Variants in FAT3 observed in about 807,000 individuals in gnomAD.
FAT3 encodes protocadherin Fat 3.
A neutral mutation model predicts 310.2 loss-of-function variants in FAT3; 95 were observed. That is an observed-to-expected ratio of 0.31 (90% CI 0.26 to 0.36). The LOEUF (loss-of-function observed/expected upper bound fraction) is 0.36. Among genes scored for constraint, FAT3 ranks in the 10% least tolerant of loss-of-function variants. The probability of loss-of-function intolerance (pLI) is 1.00; values close to 1 mark genes in which losing one functional copy is unlikely to be tolerated. For synonymous variants in FAT3, 2,314 were observed against 2,192.9 expected (o/e 1.06, Z -1.54); for missense variants, 5,408 against 5,715.6 (o/e 0.95, Z 1.74).
intron 4 of FAT3, among the ~76,000 whole-genome samples, chr11:92,749,770 G>A (rs1945779686): frequency 6.6e-6 from 1 of 152,126 alleles, no homozygotes; most frequent in South Asian, 2.1e-4. Context: ...AAATAGATAA[G>A]CATCTTTACT....
At chr11:92,293,549 T>TAA (rs1946765833) in intron 1 of FAT3, among the ~76,000 whole-genome samples, 3 of 16,658 alleles carry the variant, frequency 1.8e-4, no homozygotes, top group Non-Finnish European at 2.7e-4. Context: ...TATATATATA[T>TAA]ATAAATAAAA....
chr11:92,248,951 G>A (rs1865036341), intron 1 of FAT3, among the ~76,000 whole-genome samples: 2 of 152,060 alleles, frequency 1.3e-5, no homozygotes, highest in Non-Finnish European at 2.9e-5. Context: ...TTGAGGTTCG[G>A]AGAAAGTGAA....
intron 1 of FAT3, among the ~76,000 whole-genome samples, chr11:92,226,886 T>TC (rs1271859834): frequency 6.6e-6 from 1 of 151,886 alleles, no homozygotes; most frequent in Non-Finnish European, 1.5e-5. Flanking sequence ...GAAGTCTTTT[T>TC]CCCCCCTCTC....
chr11:92,391,514 A>C (rs538254586), intron 2 of FAT3, among the ~76,000 whole-genome samples: 105 of 152,308 alleles, frequency 6.9e-4, no homozygotes, highest in African/African-American at 2.4e-3. Context: ...TGTACTTTAC[A>C]CAGGATCAGT....
intron 3 of FAT3, among the ~76,000 whole-genome samples, chr11:92,696,798 T>C (rs1591619104): frequency 6.6e-6 from 1 of 152,232 alleles, no homozygotes; most frequent in South Asian, 2.1e-4. Flanking sequence ...ATATTTTTCA[T>C]GTGGAACTTG....
chr11:92,528,552 A>C (rs1329090291), intron 3 of FAT3, among the ~76,000 whole-genome samples: 1 of 152,074 alleles, frequency 6.6e-6, no homozygotes, highest in Admixed American at 6.6e-5. Flanking sequence ...ACACCCGGCT[A>C]ATTTTTTGTA....
In FAT3 at chr11:92,790,288, A is replaced by G. The variant is rs948515383; in HGVS notation, c.4611+70A>G. ...GTTCAGGCCACACACATTAGCCTTC[A>G]GAAGTATAGGGCCCCTAAATTTTAT... is the stretch of plus-strand genomic sequence containing the variant. On this transcript the variant is annotated intron_variant, in intron 8 of 27. Coordinates refer to ENST00000525166, the MANE Select transcript of FAT3 (RefSeq NM_001367949.2). The G allele has an allele frequency of 4.7e-6, 7 of 1,499,148 alleles. No homozygotes were observed. In the South Asian group the frequency reaches 7.7e-5, roughly 16 times the overall value. 92.9% of individuals were successfully genotyped at this position (1,499,148 alleles called of 1,614,324 possible).
chr11:92,239,296 A>G (rs1325112339), intron 1 of FAT3, among the ~76,000 whole-genome samples: 1 of 152,050 alleles, frequency 6.6e-6, no homozygotes, highest in Non-Finnish European at 1.5e-5. Context: ...TAGTGATCCT[A>G]TAGTGATCCT....
intron 2 of FAT3, among the ~76,000 whole-genome samples, chr11:92,482,013 A>G (rs1952239164): frequency 6.6e-6 from 1 of 152,172 alleles, no homozygotes; most frequent in Non-Finnish European, 1.5e-5. Context: ...AGATTTTTAA[A>G]AAATAACATT....
chr11:92,524,848 G>A lies in FAT3; in HGVS notation c.3507G>A (p.Gln1169=). ...ENSPKDVSVI[Q]IQAEDPDSSS... ...CTCCAAAGGACGTATCTGTCATTCAGATCCAGGCTGAAGATCCTGACTCCA... is the reference window on the plus strand; with the variant it reads ...CTCCAAAGGACGTATCTGTCATTCAAATCCAGGCTGAAGATCCTGACTCCA... The change falls in exon 3 of 28, where the codon CAG becomes CAA. Residue 1169 remains glutamine (Q), a synonymous_variant. Transcript: ENST00000525166. 1 of 1,613,858 alleles carries A rather than the reference G, an allele frequency of 6.2e-7. No individual in the cohort carries two copies.
chr11:92,239,456 C>A (rs560438695), intron 1 of FAT3, among the ~76,000 whole-genome samples: 9 of 152,176 alleles, frequency 5.9e-5, no homozygotes, highest in African/African-American at 2.2e-4. Flanking sequence ...GCAGATGCTC[C>A]CTCTTGAAAA....
intron 2 of FAT3, among the ~76,000 whole-genome samples, chr11:92,505,003 G>T (rs1455148424): frequency 2.0e-5 from 3 of 152,076 alleles, no homozygotes; most frequent in Admixed American, 6.6e-5. Flanking sequence ...ATTATTGAGG[G>T]GTGGGGAGGT....
chr11:92,889,653 C>A (rs535450559), intron 26 of FAT3, among the ~76,000 whole-genome samples: 2 of 152,252 alleles, frequency 1.3e-5, no homozygotes, highest in African/African-American at 4.8e-5. Flanking sequence ...AAAATTAGGG[C>A]CTGGCATAAA....
At chr11:92,290,296 T>C (rs1377511168) in intron 1 of FAT3, among the ~76,000 whole-genome samples, 3 of 152,176 alleles carry the variant, frequency 2.0e-5, no homozygotes, top group Non-Finnish European at 4.4e-5. Flanking sequence ...ATATAGCCCC[T>C]TGGGGGCAAA....
At chr11:92,260,242 G>A (rs1301173527) in intron 1 of FAT3, among the ~76,000 whole-genome samples, 1 of 152,100 alleles carries the variant, frequency 6.6e-6, no homozygotes, top group Non-Finnish European at 1.5e-5. Flanking sequence ...TGGTGTGTGT[G>A]TGTGAGTGTA....
chr11:92,608,146 C>T (rs1173781330), intron 3 of FAT3, among the ~76,000 whole-genome samples: 3 of 152,148 alleles, frequency 2.0e-5, no homozygotes, highest in Non-Finnish European at 4.4e-5. Context: ...TAACAAGTTT[C>T]ACATGTATCT....
At chr11:92,877,400 C>A (rs960062706) in intron 22 of FAT3, among the ~76,000 whole-genome samples, 1 of 152,168 alleles carries the variant, frequency 6.6e-6, no homozygotes, top group African/African-American at 2.4e-5. Context: ...AATGCTGTGA[C>A]GAGGCCTGCA....
At chr11:92,565,171 T>A in intron 3 of FAT3, among the ~76,000 whole-genome samples, 1 of 142,606 alleles carries the variant, frequency 7.0e-6, no homozygotes. Context: ...GAGAGAAGAA[T>A]CAAATAGACA....
intron 3 of FAT3, among the ~76,000 whole-genome samples, chr11:92,587,673 A>G (rs556844812): frequency 6.6e-6 from 1 of 152,044 alleles, no homozygotes; most frequent in African/African-American, 2.4e-5. Context: ...GTGTCTTGAG[A>G]ACATAGAATT....
Sources: allele counts gnomAD v4.1 joint callset (sites outside exome capture counted in the v4.1 genomes callset), GRCh38; gene constraint gnomAD v4.1.1; transcripts MANE v1.5; gene names NCBI Gene and HGNC (gene_info 2026-07-23, HGNC 2026-07-21).